Variants in SYT13 observed in about 807,000 individuals in gnomAD.
SYT13 encodes the protein synaptotagmin 13.
In SYT13, 21 loss-of-function variants were observed where a neutral mutation model predicts 38.6. That is an observed-to-expected ratio of 0.54 (90% CI 0.39 to 0.78). SYT13 has a LOEUF of 0.78. SYT13 is among the 30% of genes least tolerant of loss of function. The probability of loss-of-function intolerance (pLI) is 0.00; values close to 1 mark genes in which losing one functional copy is unlikely to be tolerated. For synonymous variants in SYT13, 241 were observed against 237.6 expected, an observed-to-expected ratio of 1.01 and a Z score of -0.13; for missense variants, 495 against 548.7, an observed-to-expected ratio of 0.90 and a Z score of 0.98.
At chr11:45,269,267 A>G (rs934896544) in intron 1 of SYT13, 11 of 345,756 alleles carry the variant, frequency 3.2e-5, no homozygotes, top group Admixed American at 4.9e-5. Flanking sequence ...AGGAGGGTGA[A>G]TGTTGCTGCA....
chr11:45,285,862 C>T, intron 1 of SYT13, 163 bp downstream of exon 1: 1 of 514,330 alleles, frequency 1.9e-6, no homozygotes, highest in South Asian at 1.5e-5. Context: ...CATCCCCCTA[C>T]CTTTTTGACT....
At chr11:45,274,162 G>T (rs746099105) in intron 1 of SYT13, among the ~76,000 whole-genome samples, 7 of 152,124 alleles carry the variant, frequency 4.6e-5, no homozygotes, top group Non-Finnish European at 8.8e-5. Flanking sequence ...TTCATTCTGA[G>T]TTAATTTTTT....
intron 1 of SYT13, among the ~76,000 whole-genome samples, chr11:45,258,846 C>A (rs915911669): frequency 6.6e-6 from 1 of 152,074 alleles, no homozygotes; most frequent in South Asian, 2.1e-4. Flanking sequence ...ACACACAGAG[C>A]GATGACTAAT....
intron 1 of SYT13, 88 bp downstream of exon 1, chr11:45,285,937 A>G: frequency 6.6e-7 from 1 of 1,503,810 alleles, no homozygotes; most frequent in Non-Finnish European, 8.9e-7. Flanking sequence ...GCAAAGATCC[A>G]CGACCGCCTC....
At position 45,255,768 on chromosome 11, in the gene SYT13, T is replaced by A; in HGVS notation, c.307A>T (p.Arg103Trp). The A allele has an allele frequency of 6.2e-7, 1 of 1,614,188 alleles. No homozygotes were observed. Among genetic ancestry groups the A allele is most frequent in the Non-Finnish European group, 8.5e-7 (1 of 1,180,044 alleles). ...EVINYADYSLRSTEEPTAPAS... is the reference protein window; with the variant it reads ...EVINYADYSLWSTEEPTAPAS... ...GGTGCAGTGGGCTCCTCCGTAGACC[T>A]CAGTGAATAGTCTGCATAGTTGATG... The change falls in exon 2 of 6, where the codon AGG becomes TGG. Residue 103 changes from arginine (R) to tryptophan (W), a missense_variant. Coordinates refer to ENST00000020926, the MANE Select transcript of SYT13 (RefSeq NM_020826.3).
At chr11:45,273,409 G>A (rs1345314133) in intron 1 of SYT13, among the ~76,000 whole-genome samples, 1 of 151,950 alleles carries the variant, frequency 6.6e-6, no homozygotes, top group Non-Finnish European at 1.5e-5. Flanking sequence ...ATGCCAAAAG[G>A]CAGAGGAGTT....
intron 1 of SYT13, among the ~76,000 whole-genome samples, chr11:45,260,570 T>C (rs988470607): frequency 6.6e-6 from 1 of 152,058 alleles, no homozygotes; most frequent in Non-Finnish European, 1.5e-5. Context: ...GGACAGGACT[T>C]AGAATCAGAT....
Position 45,252,017 on chromosome 11 carries a change from C to T in SYT13, c.846+404G>A, listed in dbSNP as rs1854682849. 6.6e-6 allele frequency among the ~76,000 whole-genome samples: 1 copy of T among 152,222 alleles called. No homozygotes were observed. Among genetic ancestry groups the T allele is most frequent in the Non-Finnish European group, 1.5e-5 (1 of 68,042 alleles). On this transcript the variant is annotated intron_variant, in intron 4 of 5. Transcript: ENST00000020926. The surrounding 1 kb of genome is among the most constrained non-coding windows in gnomAD (Gnocchi z 4.3). Reference sequence around the variant, plus strand: ...GTCTGTACACTCCTGAGTGGTGGGGCTCCACCCTTCATGCTCACCTACACA... The same window carrying T: ...GTCTGTACACTCCTGAGTGGTGGGGTTCCACCCTTCATGCTCACCTACACA...
In SYT13 at chr11:45,262,721, TCACACACACACACACACA is replaced by T. The variant is rs71451610; in HGVS notation, c.184-6848_184-6831del. Among the ~76,000 whole-genome samples the T allele has an allele frequency of 7.3e-3, 572 of 78,262 alleles. 7 individuals are homozygous for T. The highest frequency in any genetic ancestry group is 0.017 in the African/African-American group (501 of 28,984). The allele number at this position is 78,262 out of a possible 152,430, so 51.3% of individuals were successfully genotyped here. A position where few individuals can be genotyped will look rare whatever the true frequency, so the allele number is the denominator to read the frequency against. On this transcript the variant is annotated intron_variant, in intron 1 of 5. Coordinates refer to ENST00000020926, the MANE Select transcript of SYT13 (RefSeq NM_020826.3). ...AGCCTGGGCAAAGAGGGAGATCCTATCACACACACACACACACACACACACACACACACACACACACAC... is the reference window on the plus strand; with the variant it reads ...AGCCTGGGCAAAGAGGGAGATCCTATCACACACACACACACACACACACAC...
chr11:45,284,159 T>G (rs1855107556), intron 1 of SYT13, among the ~76,000 whole-genome samples: 2 of 152,198 alleles, frequency 1.3e-5, no homozygotes, highest in African/African-American at 4.8e-5. Context: ...AGACTGCTGA[T>G]GAAGAAAGAA....
chr11:45,246,654 T>C, intron 4 of SYT13, 142 bp from the exon 5 acceptor site: 5 of 1,228,764 alleles, frequency 4.1e-6, no homozygotes, highest in South Asian at 1.6e-5. Flanking sequence ...TGCTGGGGTG[T>C]CCACCCTTGC....
At position 45,252,172 on chromosome 11, in the gene SYT13, C is replaced by T. The variant is rs1273233079; in HGVS notation, c.846+249G>A. 7.2e-5 allele frequency among the ~76,000 whole-genome samples: 11 copies of T among 152,166 alleles called. No individual in the cohort carries two copies. Among genetic ancestry groups the T allele is most frequent in the African/African-American group, 1.2e-4 (5 of 41,444 alleles). The stretch of plus-strand genomic sequence containing the variant: ...ACACACAGCATGGCATTTTCCATGA[C>T]GGCAGAGAGAGTCTTTGCATGGCAA... On this transcript the variant is annotated intron_variant, in intron 4 of 5. Transcript: ENST00000020926. The surrounding 1 kb of genome is among the most constrained non-coding windows in gnomAD (Gnocchi z 4.3).
chr11:45,271,429 G>A (rs551197459), intron 1 of SYT13, among the ~76,000 whole-genome samples: 21 of 152,316 alleles, frequency 1.4e-4, no homozygotes, highest in Admixed American at 9.1e-4. Flanking sequence ...GAGAGAGAGA[G>A]AGGCATCTCA....
chr11:45,251,645 A>G (rs1178893324), intron 4 of SYT13, among the ~76,000 whole-genome samples: 3 of 152,030 alleles, frequency 2.0e-5, no homozygotes, highest in Non-Finnish European at 4.4e-5. Flanking sequence ...ACTACATACC[A>G]TCTTGTAGCC....
At position 45,252,375 on chromosome 11, in the gene SYT13, T is replaced by G. The variant is rs748567611; in HGVS notation, c.846+46A>C. 1 of 1,514,522 alleles carries G rather than the reference T, an allele frequency of 6.6e-7. No homozygotes were observed. Among genetic ancestry groups the G allele is most frequent in the Non-Finnish European group, 8.8e-7 (1 of 1,132,658 alleles). The allele number at this position is 1,514,522 out of a possible 1,614,324, so 93.8% of individuals were successfully genotyped here. On this transcript the variant is annotated intron_variant, in intron 4 of 5. Coordinates refer to ENST00000020926, the MANE Select transcript of SYT13 (RefSeq NM_020826.3). This position sits in a 1 kb window ranked among gnomAD's most constrained non-coding sequence, Gnocchi z 4.3. The stretch of plus-strand genomic sequence containing the variant: ...GAGGACACCAGGTTCTGCCATCCCA[T>G]GCTGCACGGGCAGGTTTTACCTTTC...
At chr11:45,262,955 C>T (rs963195113) in intron 1 of SYT13, among the ~76,000 whole-genome samples, 2 of 152,102 alleles carry the variant, frequency 1.3e-5, no homozygotes, top group Non-Finnish European at 2.9e-5. Flanking sequence ...TGCCTTCAGT[C>T]GCCTTTTGGA....
Position 45,254,424 on chromosome 11 carries a change from C to T in SYT13, c.410-20G>A, listed in dbSNP as rs200968549. 1.5e-4 allele frequency: 247 copies of T among 1,607,616 alleles called. No homozygotes were observed. The highest frequency in any genetic ancestry group is 1.1e-3 in the African/African-American group (82 of 74,820). On this transcript the variant is annotated intron_variant, in intron 2 of 5. Transcript: ENST00000020926. ...CCACACCTGTTAAGAAAGTCGAAAT[C>T]GTCACTGCCACCCACACTGGGGTTC...
chr11:45,260,401 T>G (rs1854800354), intron 1 of SYT13, among the ~76,000 whole-genome samples: 1 of 152,182 alleles, frequency 6.6e-6, no homozygotes, highest in Non-Finnish European at 1.5e-5. Flanking sequence ...AGCTGAAACT[T>G]CAGTGCCAGA....
At chr11:45,280,965 T>C (rs1855064117) in intron 1 of SYT13, among the ~76,000 whole-genome samples, 1 of 152,204 alleles carries the variant, frequency 6.6e-6, no homozygotes, top group South Asian at 2.1e-4. Context: ...GAGACCGAGA[T>C]GGGCGGATCA....
Sources: allele counts gnomAD v4.1 joint callset (sites outside exome capture counted in the v4.1 genomes callset), GRCh38; gene constraint gnomAD v4.1.1; non-coding constraint Gnocchi (gnomAD v3.1); transcripts MANE v1.5; gene names NCBI Gene and HGNC (gene_info 2026-07-23, HGNC 2026-07-21).